RELL1: variants seen among roughly 807,000 people sequenced by gnomAD.
RELL1 encodes the protein RELT-like protein 1.
Under a neutral mutation model 23.0 loss-of-function variants are expected in RELL1, and 10 were observed. That is an observed-to-expected ratio of 0.43 (90% CI 0.27 to 0.74). The LOEUF (loss-of-function observed/expected upper bound fraction) is 0.74, where lower values mean the gene tolerates loss of function less well. Ranked by LOEUF, RELL1 falls within the 30% of genes least tolerant of loss-of-function variation. The pLI, the probability that RELL1 is intolerant of heterozygous loss-of-function variation, is 0.19. For missense variants in RELL1, 315 were observed against 364.4 expected, an observed-to-expected ratio of 0.86 and a Z score of 1.10; for synonymous variants, 146 against 146.8, an observed-to-expected ratio of 0.99 and a Z score of 0.04.
chr4:37,659,757 T>C lies in RELL1; in HGVS notation c.89-10257A>G, dbSNP rs558720466. ...CTCATTCACTCTGGGCTGACACTGC[T>C]GGAGATGAAGACACGAGCCCATCCT... On this transcript the variant is annotated intron_variant, in intron 1 of 6. Coordinates refer to ENST00000454158, the MANE Select transcript of RELL1 (RefSeq NM_001085400.2). Among the ~76,000 whole-genome samples the C allele has an allele frequency of 3.1e-3, 469 of 152,184 alleles. 1 individual carries two copies. The highest frequency in any genetic ancestry group is 4.1e-3 in the Non-Finnish European group (280 of 68,010).
At chr4:37,634,771 A>G in intron 5 of RELL1, 116 bp downstream of exon 5, 1 of 897,074 alleles carries the variant, frequency 1.1e-6, no homozygotes, top group Non-Finnish European at 1.8e-6. Flanking sequence ...AAAAGCCCAG[A>G]GATATAACCT....
chr4:37,635,667 T>G (rs1479227849), intron 4 of RELL1, among the ~76,000 whole-genome samples: 1 of 152,190 alleles, frequency 6.6e-6, no homozygotes, highest in African/African-American at 2.4e-5. Flanking sequence ...AGAATGGAAT[T>G]TATTAGCTGG....
At chr4:37,647,465 A>C in intron 2 of RELL1, 26 bp from the exon 3 acceptor site, 1 of 1,538,406 alleles carries the variant, frequency 6.5e-7, no homozygotes, top group Non-Finnish European at 9.0e-7. Flanking sequence ...GGAGGGGAGA[A>C]CAGGTTACAA....
intron 1 of RELL1, among the ~76,000 whole-genome samples, chr4:37,666,339 G>C (rs1721531412): frequency 6.6e-6 from 1 of 152,212 alleles, no homozygotes; most frequent in African/African-American, 2.4e-5. Context: ...GGAAGCAAAA[G>C]CAGAAACTGG....
At chr4:37,659,890 A>T (rs1380164570) in intron 1 of RELL1, among the ~76,000 whole-genome samples, 2 of 152,098 alleles carry the variant, frequency 1.3e-5, no homozygotes, top group Non-Finnish European at 2.9e-5. Context: ...CAAGATCAAG[A>T]TCAAGAATGG....
At chr4:37,615,559 A>C (rs895158311) in intron 6 of RELL1, among the ~76,000 whole-genome samples, 41 of 152,156 alleles carry the variant, frequency 2.7e-4, no homozygotes, top group African/African-American at 9.9e-4. Flanking sequence ...GTGAGAGAGG[A>C]AACACCCACC....
chr4:37,627,765 A>G (rs1426419135), intron 6 of RELL1, among the ~76,000 whole-genome samples: 1 of 152,262 alleles, frequency 6.6e-6, no homozygotes, highest in African/African-American at 2.4e-5. Context: ...AGTCTGTTCT[A>G]CAATAAAACA....
intron 6 of RELL1, among the ~76,000 whole-genome samples, chr4:37,601,448 T>A (rs1719013843): frequency 6.6e-6 from 1 of 152,184 alleles, no homozygotes; most frequent in African/African-American, 2.4e-5. Flanking sequence ...ACATATTATC[T>A]TCATTCTGTA....
At chr4:37,629,372 C>T (rs1189870866) in intron 6 of RELL1, among the ~76,000 whole-genome samples, 1 of 152,182 alleles carries the variant, frequency 6.6e-6, no homozygotes, top group Non-Finnish European at 1.5e-5. Flanking sequence ...TCATCAGTTT[C>T]CTCATCTGTA....
intron 1 of RELL1, among the ~76,000 whole-genome samples, chr4:37,651,651 C>T (rs1301715017): frequency 6.6e-6 from 1 of 152,156 alleles, no homozygotes; most frequent in African/African-American, 2.4e-5. Flanking sequence ...GCTTGAAAGC[C>T]AAGCTACAAG....
intron 6 of RELL1, among the ~76,000 whole-genome samples, chr4:37,598,422 G>T (rs1241817427): frequency 6.6e-6 from 1 of 151,962 alleles, no homozygotes. Context: ...GTATTTTGTT[G>T]TTGTTTTTAG....
intron 3 of RELL1, among the ~76,000 whole-genome samples, chr4:37,643,931 G>A (rs1423889422): frequency 6.6e-6 from 1 of 152,246 alleles, no homozygotes; most frequent in Non-Finnish European, 1.5e-5. Context: ...ACCAAGGGCT[G>A]CGCAAAGGAT....
In RELL1 at chr4:37,634,929, C is replaced by G; in HGVS notation, c.638G>C (p.Arg213Thr). Residue 213 changes from arginine to threonine, a missense_variant, in exon 5 of 7, where the codon AGA (arginine) becomes ACA (threonine). Coordinates refer to ENST00000454158, the MANE Select transcript of RELL1 (RefSeq NM_001085400.2). ...CGTGACCTCGCCTTGGCGCCGTGGT[C>G]TGCTCTCTCTGGACTTGTTAGTGGG... ...IKPTNKSRES[R>T]PRRQGEVTVL... 1.2e-6 allele frequency: 2 copies of G among 1,614,260 alleles called. No homozygotes were observed. Among genetic ancestry groups the G allele is most frequent in the Non-Finnish European group, 1.7e-6 (2 of 1,180,052 alleles).
intron 6 of RELL1, among the ~76,000 whole-genome samples, chr4:37,624,428 T>C (rs1198782115): frequency 6.7e-6 from 1 of 148,328 alleles, no homozygotes; most frequent in Non-Finnish European, 1.5e-5. Flanking sequence ...CTTTTTTTTT[T>C]TTTTTTTTTG....
chr4:37,658,941 T>C (rs1721219524), intron 1 of RELL1, among the ~76,000 whole-genome samples: 1 of 152,024 alleles, frequency 6.6e-6, no homozygotes, highest in Non-Finnish European at 1.5e-5. Context: ...AAAACTCTAC[T>C]ATTTGCCCTT....
At chr4:37,667,296 A>G (rs1721567063) in intron 1 of RELL1, among the ~76,000 whole-genome samples, 1 of 151,788 alleles carries the variant, frequency 6.6e-6, no homozygotes, top group Admixed American at 6.6e-5. Flanking sequence ...TTTTTCAGAT[A>G]TTAACTCATT....
chr4:37,605,460 G>A (rs995972712), intron 6 of RELL1, among the ~76,000 whole-genome samples: 1 of 151,996 alleles, frequency 6.6e-6, no homozygotes, highest in African/African-American at 2.4e-5. Flanking sequence ...AAGTAATAAA[G>A]GGCTTTCAAA....
intron 6 of RELL1, among the ~76,000 whole-genome samples, chr4:37,603,277 G>T (rs1418489156): frequency 6.6e-6 from 1 of 152,102 alleles, no homozygotes; most frequent in Non-Finnish European, 1.5e-5. Flanking sequence ...CCCTGGCCAC[G>T]CCACAAAATG....
At chr4:37,651,422 A>G (rs1720935035) in intron 1 of RELL1, among the ~76,000 whole-genome samples, 1 of 152,220 alleles carries the variant, frequency 6.6e-6, no homozygotes, top group Non-Finnish European at 1.5e-5. Context: ...CTCTGAAAGG[A>G]TAAAGTGAGG....
Sources: allele counts gnomAD v4.1 joint callset (sites outside exome capture counted in the v4.1 genomes callset), GRCh38; gene constraint gnomAD v4.1.1; transcripts MANE v1.5; gene names NCBI Gene and HGNC (gene_info 2026-07-23, HGNC 2026-07-21).